The following RARB variants were observed in gnomAD, a reference collection of about 807,000 sequenced individuals.
The protein encoded by RARB is retinoic acid receptor beta.
RARB carries 17 observed loss-of-function variants against 51.9 expected under a neutral mutation model. That is an observed-to-expected ratio of 0.33 (90% CI 0.22 to 0.49). The LOEUF (loss-of-function observed/expected upper bound fraction) is 0.49. Ranked by LOEUF, RARB falls within the 20% of genes least tolerant of loss-of-function variation. The pLI, the probability that RARB is intolerant of heterozygous loss-of-function variation, is 0.99. For missense variants in RARB, 369 were observed against 550.8 expected, an observed-to-expected ratio of 0.67 and a Z score of 3.30; for synonymous variants, 215 against 195.4, an observed-to-expected ratio of 1.10 and a Z score of -0.84.
intron 4 of RARB, among the ~76,000 whole-genome samples, chr3:25,157,340 G>C (rs1020359210): frequency 2.5e-5 from 3 of 119,858 alleles, no homozygotes; most frequent in African/African-American, 9.7e-5. Flanking sequence ...ACAGTTCTGA[G>C]TGTGTGTGTT....
intron 2 of RARB, among the ~76,000 whole-genome samples, chr3:24,897,985 T>G (rs1378205825): frequency 6.6e-6 from 1 of 152,186 alleles, no homozygotes; most frequent in East Asian, 1.9e-4. Flanking sequence ...GTTGAGAAAG[T>G]TAGTCCAACT....
chr3:25,112,124 T>A (rs1329066505), intron 3 of RARB, among the ~76,000 whole-genome samples: 1 of 152,182 alleles, frequency 6.6e-6, no homozygotes, highest in Non-Finnish European at 1.5e-5. Flanking sequence ...AACAGACTCT[T>A]GTAGAAGTTA....
intron 5 of RARB, among the ~76,000 whole-genome samples, chr3:25,297,723 T>C (rs578044092): frequency 6.6e-6 from 1 of 152,276 alleles, no homozygotes; most frequent in South Asian, 2.1e-4. Context: ...TTTTTTCCCC[T>C]CATTCCCCAG....
chr3:25,274,352 G>A (rs1703327731), intron 5 of RARB, among the ~76,000 whole-genome samples: 1 of 151,940 alleles, frequency 6.6e-6, no homozygotes, highest in African/African-American at 2.4e-5. Context: ...ATGGCCATAG[G>A]CTACCATACA....
chr3:24,869,384 G>C (rs1048527694), intron 2 of RARB, among the ~76,000 whole-genome samples: 11 of 152,024 alleles, frequency 7.2e-5, no homozygotes, highest in African/African-American at 2.4e-4. Flanking sequence ...GTAAAATTAA[G>C]ACAAATCAAA....
At chr3:24,839,440 T>G (rs1559368206) in intron 1 of RARB, among the ~76,000 whole-genome samples, 1 of 151,516 alleles carries the variant, frequency 6.6e-6, no homozygotes, top group Non-Finnish European at 1.5e-5. Flanking sequence ...TGGTGGCTCA[T>G]GCCTATGATC....
At chr3:25,449,829 GCAA>G (rs1709112721) in intron 1 of RARB, among the ~76,000 whole-genome samples, 1 of 151,220 alleles carries the variant, frequency 6.6e-6, no homozygotes, top group Non-Finnish European at 1.5e-5. Flanking sequence ...TCGGCTCACT[GCAA>G]CCTCCACCTC....
upstream of RARB, among the ~76,000 whole-genome samples, chr3:25,423,803 C>T (rs1244477753): frequency 6.6e-6 from 1 of 152,058 alleles, no homozygotes; most frequent in African/African-American, 2.4e-5. Flanking sequence ...GATAGGTCTC[C>T]CCAAAACTAA....
intron 5 of RARB, among the ~76,000 whole-genome samples, chr3:25,189,202 G>T (rs1456343596): frequency 6.6e-6 from 1 of 152,104 alleles, no homozygotes; most frequent in African/African-American, 2.4e-5. Context: ...CCAAAGGTCA[G>T]TCAGCAAAAG....
rs199681170 is a variant in RARB at position 25,524,609 on chromosome 3, C to A, written c.448+23286C>A. On this transcript the variant is annotated intron_variant, in intron 3 of 7. Coordinates refer to ENST00000330688, the MANE Select transcript of RARB (RefSeq NM_000965.5). Reference sequence around the variant, plus strand: ...TTTTCCCTTTACCCTTCTCTTCCCCCCTCCCTTCCTCCCTCCCTGCCTCCC... The same window carrying A: ...TTTTCCCTTTACCCTTCTCTTCCCCACTCCCTTCCTCCCTCCCTGCCTCCC... Among the ~76,000 whole-genome samples the A allele has an allele frequency of 1.2e-4, 18 of 150,448 alleles. 1 individual carries two copies. The East Asian group carries it at 2.9e-3, about 25-fold the overall frequency.
At chr3:25,376,646 C>G (rs1223261404) in intron 5 of RARB, among the ~76,000 whole-genome samples, 1 of 152,226 alleles carries the variant, frequency 6.6e-6, no homozygotes, top group African/African-American at 2.4e-5. Flanking sequence ...CAGTAAACCA[C>G]ACTGTTTCTT....
chr3:25,444,487 T>C (rs1420995992), intron 1 of RARB, among the ~76,000 whole-genome samples: 1 of 152,218 alleles, frequency 6.6e-6, no homozygotes, highest in Non-Finnish European at 1.5e-5. Context: ...ATTCATTAAA[T>C]TATGTACACA....
chr3:25,190,894 G>C (rs1317141401), intron 5 of RARB, among the ~76,000 whole-genome samples: 1 of 152,058 alleles, frequency 6.6e-6, no homozygotes, highest in Non-Finnish European at 1.5e-5. Flanking sequence ...AAAATCATCT[G>C]GTTCAGAAAC....
intron 3 of RARB, among the ~76,000 whole-genome samples, chr3:25,540,959 G>GA (rs61185841): frequency 1.4e-3 from 203 of 150,300 alleles, no homozygotes; most frequent in African/African-American, 2.9e-3. Flanking sequence ...CTCTGCAGAG[G>GA]AAAAAAAAAA....
chr3:25,163,661 TAA>T (rs964541004), intron 4 of RARB, among the ~76,000 whole-genome samples: 7 of 151,926 alleles, frequency 4.6e-5, no homozygotes, highest in African/African-American at 1.7e-4. Context: ...TGGTGGTCAA[TAA>T]AGAGTCTGCT....
intron 2 of RARB, among the ~76,000 whole-genome samples, chr3:24,867,687 C>T (rs1294889201): frequency 6.6e-6 from 1 of 152,100 alleles, no homozygotes; most frequent in Non-Finnish European, 1.5e-5. Flanking sequence ...AGTGTTGAAG[C>T]AACTCAGAAG....
intron 5 of RARB, among the ~76,000 whole-genome samples, chr3:25,421,403 C>CTTTTTTTT (rs766378555): frequency 0.029 from 2,103 of 72,108 alleles, 23 homozygotes; most frequent in Non-Finnish European, 0.038. Flanking sequence ...TTCTTCTTTT[C>CTTTTTTTT]TTTTTTTTTT....
intron 5 of RARB, among the ~76,000 whole-genome samples, chr3:25,297,269 C>T (rs978975011): frequency 1.3e-5 from 2 of 152,112 alleles, no homozygotes; most frequent in African/African-American, 4.8e-5. Context: ...ATTTTACCAG[C>T]AGAATAATTA....
At chr3:24,852,685 G>A (rs552448720) in intron 1 of RARB, among the ~76,000 whole-genome samples, 1 of 152,290 alleles carries the variant, frequency 6.6e-6, no homozygotes, top group East Asian at 1.9e-4. Context: ...ATGAAGTACT[G>A]ATATGTGCTG....
Sources: gnomAD v4.1 joint callset for allele counts (sites outside exome capture counted in the v4.1 genomes callset) on GRCh38, gnomAD v4.1.1 for gene constraint, MANE v1.5 for transcripts, NCBI Gene and HGNC (gene_info 2026-07-23, HGNC 2026-07-21) for gene names.